Variants in GABRB2 observed in about 807,000 individuals in gnomAD.
GABRB2 encodes the protein gamma-aminobutyric acid type A receptor subunit beta2, also known as gamma-aminobutyric acid receptor subunit beta-2.
Under a neutral mutation model 54.7 loss-of-function variants are expected in GABRB2, and 16 were observed. That is an observed-to-expected ratio of 0.29 (90% CI 0.20 to 0.44). GABRB2 has a LOEUF of 0.44. Among genes scored for constraint, GABRB2 ranks in the 20% least tolerant of loss-of-function variants. The probability of loss-of-function intolerance (pLI) is 1.00; values close to 1 mark genes in which losing one functional copy is unlikely to be tolerated. For synonymous variants in GABRB2, 244 were observed against 233.8 expected, an observed-to-expected ratio of 1.04 and a Z score of -0.40; for missense variants, 355 against 644.0, an observed-to-expected ratio of 0.55 and a Z score of 4.86.
chr5:161,376,973 A>G (rs927805094), intron 5 of GABRB2, among the ~76,000 whole-genome samples: 1 of 152,104 alleles, frequency 6.6e-6, no homozygotes, highest in Non-Finnish European at 1.5e-5. Flanking sequence ...AGAAGAAGGA[A>G]TAAAAAGTAG....
At chr5:161,467,938 G>A (rs1758325726) in intron 3 of GABRB2, among the ~76,000 whole-genome samples, 1 of 152,050 alleles carries the variant, frequency 6.6e-6, no homozygotes, top group African/African-American at 2.4e-5. Flanking sequence ...TATGTACAGA[G>A]ATTTCTAAAA....
intron 5 of GABRB2, among the ~76,000 whole-genome samples, chr5:161,378,259 C>T (rs1755367191): frequency 6.6e-6 from 1 of 151,968 alleles, no homozygotes. Context: ...CTTAAGAAGG[C>T]TAAATTATGT....
At chr5:161,382,916 A>G (rs1755511731) in intron 5 of GABRB2, among the ~76,000 whole-genome samples, 1 of 152,168 alleles carries the variant, frequency 6.6e-6, no homozygotes, top group Non-Finnish European at 1.5e-5. Flanking sequence ...ACCTCCTCTG[A>G]GGAGAGGCTG....
In GABRB2 at chr5:161,291,976, T is replaced by C. The variant is rs1489277634; in HGVS notation, c.*2105A>G. ...GGAGAAAGTGTGTCCTGGAGAAACA[T>C]GAGGAATCTCTACTCTGAGCCTGTG... On this transcript the variant is annotated 3_prime_UTR_variant, in exon 10 of 10. Coordinates refer to ENST00000393959, the MANE Select transcript of GABRB2 (RefSeq NM_001371727.1). 1.6e-4 allele frequency: 25 copies of C among 152,154 alleles called. No homozygotes were observed. The highest frequency in any genetic ancestry group is 1.2e-4 in the Non-Finnish European group (8 of 68,016). 9.4% of individuals were successfully genotyped at this position (152,154 alleles called of 1,614,324 possible).
chr5:161,424,051 T>C (rs1756927716), intron 4 of GABRB2, among the ~76,000 whole-genome samples: 1 of 152,084 alleles, frequency 6.6e-6, no homozygotes, highest in Non-Finnish European at 1.5e-5. Context: ...ATGAAGGCTA[T>C]GAGAGGTGAG....
intron 3 of GABRB2, among the ~76,000 whole-genome samples, chr5:161,498,962 C>T (rs969154691): frequency 4.1e-4 from 62 of 152,288 alleles, no homozygotes; most frequent in African/African-American, 1.5e-3. Context: ...GCTCTGCTAC[C>T]TTTCTACCCC....
intron 3 of GABRB2, among the ~76,000 whole-genome samples, chr5:161,473,610 T>C (rs907751354): frequency 3.3e-5 from 5 of 152,032 alleles, no homozygotes; most frequent in Non-Finnish European, 5.9e-5. Flanking sequence ...TGAATTTTGT[T>C]GCTTGATTTG....
chr5:161,520,330 T>C lies in GABRB2; in HGVS notation c.237+24897A>G, dbSNP rs187701834. On this transcript the variant is annotated intron_variant, in intron 3 of 9. Transcript: ENST00000393959. ...GATACTCAGTTCTTCCATCATAAAA[T>C]AGAGGGATTTGAACTTGGTGAAATG... Among the ~76,000 whole-genome samples, 7 of 152,238 alleles carry C rather than the reference T, an allele frequency of 4.6e-5. No individual in the cohort carries two copies. The East Asian group carries it at 1.4e-3, about 29-fold the overall frequency.
intron 5 of GABRB2, among the ~76,000 whole-genome samples, chr5:161,357,072 G>A (rs977757679): frequency 6.6e-6 from 1 of 152,146 alleles, no homozygotes; most frequent in Non-Finnish European, 1.5e-5. Context: ...TAACAAATAG[G>A]TGAATTACGT....
intron 3 of GABRB2, among the ~76,000 whole-genome samples, chr5:161,461,703 T>C (rs1385583204): frequency 6.6e-6 from 1 of 152,202 alleles, no homozygotes; most frequent in African/African-American, 2.4e-5. Context: ...AATTCTATTT[T>C]AAAATCAGTT....
intron 9 of GABRB2, among the ~76,000 whole-genome samples, chr5:161,309,997 G>A (rs75462878): frequency 0.02 from 3,014 of 152,224 alleles, 100 homozygotes; most frequent in African/African-American, 0.066. Context: ...AAAGAAAAAC[G>A]TTACATCCTT....
intron 4 of GABRB2, among the ~76,000 whole-genome samples, chr5:161,425,527 C>A (rs991612083): frequency 2.0e-5 from 3 of 152,120 alleles, no homozygotes; most frequent in Admixed American, 1.3e-4. Context: ...AAGGAATGTA[C>A]ATTATTTTTA....
intron 6 of GABRB2, among the ~76,000 whole-genome samples, chr5:161,336,104 G>A (rs961119): frequency 0.017 from 2,618 of 152,260 alleles, 34 homozygotes; most frequent in Middle Eastern, 0.082. Flanking sequence ...GGGTGAAGAT[G>A]GCAAAGGCCT....
intron 7 of GABRB2, among the ~76,000 whole-genome samples, chr5:161,331,422 G>T (rs1330800179): frequency 6.6e-6 from 1 of 152,108 alleles, no homozygotes; most frequent in Non-Finnish European, 1.5e-5. Flanking sequence ...CATGTGTAAG[G>T]TAAGAGTTCA....
chr5:161,544,036 C>T (rs959568189), intron 3 of GABRB2, among the ~76,000 whole-genome samples: 1 of 152,128 alleles, frequency 6.6e-6, no homozygotes, highest in African/African-American at 2.4e-5. Context: ...TCGGGATTAT[C>T]TCTTATCTTT....
intron 9 of GABRB2, among the ~76,000 whole-genome samples, chr5:161,320,017 C>T (rs572592379): frequency 6.6e-6 from 1 of 151,274 alleles, no homozygotes; most frequent in Admixed American, 6.6e-5. Context: ...TTAAAAATTA[C>T]TGCTTTGGTA....
intron 4 of GABRB2, among the ~76,000 whole-genome samples, chr5:161,426,187 C>T (rs2113159795): frequency 6.6e-6 from 1 of 152,188 alleles, no homozygotes; most frequent in Non-Finnish European, 1.5e-5. Flanking sequence ...CTTGATTTTA[C>T]CTCTTGCTAT....
intron 9 of GABRB2, among the ~76,000 whole-genome samples, chr5:161,320,275 T>C (rs1758171901): frequency 3.3e-5 from 5 of 152,048 alleles, no homozygotes; most frequent in Admixed American, 2.0e-4. Context: ...CACTGTTAAC[T>C]AATTTAACCA....
At chr5:161,507,161 G>A (rs1010161545) in intron 3 of GABRB2, among the ~76,000 whole-genome samples, 101 of 152,142 alleles carry the variant, frequency 6.6e-4, no homozygotes, top group Non-Finnish European at 2.1e-4. Context: ...CTGAGAAACT[G>A]TCATACAATG....
Sources: allele counts gnomAD v4.1 joint callset (sites outside exome capture counted in the v4.1 genomes callset), GRCh38; gene constraint gnomAD v4.1.1; transcripts MANE v1.5; gene names NCBI Gene and HGNC (gene_info 2026-07-23, HGNC 2026-07-21).